Variants in PRELID2 observed in about 807,000 individuals in gnomAD.
PRELID2 encodes PRELI domain-containing protein 2.
A neutral mutation model predicts 28.4 loss-of-function variants in PRELID2; 25 were observed. That is an observed-to-expected ratio of 0.88 (90% CI 0.64 to 1.23). PRELID2 has a LOEUF of 1.23. Among genes scored for constraint, PRELID2 ranks in the 50% most tolerant of loss-of-function variants. The probability of loss-of-function intolerance (pLI) is 0.00; values close to 1 mark genes in which losing one functional copy is unlikely to be tolerated. For synonymous variants in PRELID2, 76 were observed against 71.6 expected (o/e 1.06, Z -0.31); for missense variants, 201 against 214.4 (o/e 0.94, Z 0.39).
chr5:145,562,684 T>C (rs936014975), intron 1 of PRELID2, among the ~76,000 whole-genome samples: 1 of 152,018 alleles, frequency 6.6e-6, no homozygotes, highest in Non-Finnish European at 1.5e-5. Flanking sequence ...GCATTTGCAC[T>C]GAGGCAAAAT....
At chr5:145,591,533 G>C (rs1259105683) in intron 1 of PRELID2, among the ~76,000 whole-genome samples, 5 of 152,158 alleles carry the variant, frequency 3.3e-5, no homozygotes, top group Non-Finnish European at 7.4e-5. Flanking sequence ...TTGAATGTTA[G>C]GATGAAGTTT....
chr5:145,742,326 A>AT (rs201505408), intron 1 of PRELID2, among the ~76,000 whole-genome samples: 8,543 of 136,578 alleles, frequency 0.063, 408 homozygotes, highest in Non-Finnish European at 0.088. Context: ...AAAAATAGAT[A>AT]TATTTTTTTT....
chr5:145,649,551 C>T (rs1056762943), intron 1 of PRELID2, among the ~76,000 whole-genome samples: 4 of 152,166 alleles, frequency 2.6e-5, no homozygotes, highest in Admixed American at 1.3e-4. Context: ...GACATAACCT[C>T]GTCATAAGTC....
At chr5:145,466,778 A>C in the PRELID2 span, among the ~76,000 whole-genome samples, 1 of 152,180 alleles carries the variant, frequency 6.6e-6, no homozygotes, top group East Asian at 1.9e-4. Context: ...GAAGTCCAAT[A>C]CTTATTTCAG....
intron 1 of PRELID2, among the ~76,000 whole-genome samples, chr5:145,536,319 A>G (rs985789874): frequency 2.0e-5 from 3 of 151,986 alleles, no homozygotes; most frequent in African/African-American, 7.2e-5. Context: ...AGCCTTCTCC[A>G]TTTTAAATTA....
intron 1 of PRELID2, among the ~76,000 whole-genome samples, chr5:145,573,337 C>CT (rs549025004): frequency 0.04 from 5,911 of 146,302 alleles, 303 homozygotes; most frequent in African/African-American, 0.12. Flanking sequence ...TTTTTCTTTT[C>CT]TTTTTTTTTT....
At chr5:145,545,312 G>A (rs116326042) in intron 1 of PRELID2, among the ~76,000 whole-genome samples, 641 of 152,022 alleles carry the variant, frequency 4.2e-3, no homozygotes, top group Non-Finnish European at 6.8e-3. Flanking sequence ...GTCTATTTTC[G>A]AACTCAACTA....
chr5:145,484,284 T>C (rs888874174), intron 1 of PRELID2, among the ~76,000 whole-genome samples: 2 of 152,162 alleles, frequency 1.3e-5, no homozygotes, highest in Non-Finnish European at 2.9e-5. Flanking sequence ...ACCGTAAGCA[T>C]CCCATGGGGT....
chr5:145,633,453 T>C (rs1753957954), intron 1 of PRELID2, among the ~76,000 whole-genome samples: 1 of 152,176 alleles, frequency 6.6e-6, no homozygotes, highest in Non-Finnish European at 1.5e-5. Flanking sequence ...CACATTTTCC[T>C]GGCCCTCTCT....
chr5:145,445,202 A>G, the PRELID2 span, among the ~76,000 whole-genome samples: 2 of 152,098 alleles, frequency 1.3e-5, no homozygotes, highest in African/African-American at 4.8e-5. Context: ...AATGGAACAA[A>G]ATAGAGAACC....
chr5:145,296,239 G>A, the PRELID2 span, among the ~76,000 whole-genome samples: 130 of 151,420 alleles, frequency 8.6e-4, 1 homozygote, highest in Non-Finnish European at 9.6e-4. Flanking sequence ...TGTGCACAAT[G>A]TGCAGGTTAG....
chr5:145,819,134 C>T (rs1345670703), intron 3 of PRELID2, among the ~76,000 whole-genome samples: 1 of 152,204 alleles, frequency 6.6e-6, no homozygotes, highest in Non-Finnish European at 1.5e-5. Context: ...CCATGTGGAA[C>T]TGTGAGTCCA....
the PRELID2 span, among the ~76,000 whole-genome samples, chr5:145,388,069 A>G: frequency 6.6e-6 from 1 of 152,200 alleles, no homozygotes; most frequent in Non-Finnish European, 1.5e-5. Flanking sequence ...AAATCAGAAA[A>G]GAACATTCAA....
chr5:145,379,395 G>A, the PRELID2 span, among the ~76,000 whole-genome samples: 10 of 152,158 alleles, frequency 6.6e-5, no homozygotes, highest in Non-Finnish European at 1.3e-4. Context: ...TGGAATAAGG[G>A]GTGAGGGGCT....
At chr5:145,729,695 C>T (rs1191124936) in intron 1 of PRELID2, among the ~76,000 whole-genome samples, 1 of 152,214 alleles carries the variant, frequency 6.6e-6, no homozygotes, top group African/African-American at 2.4e-5. Context: ...TTTACATGCT[C>T]TAGCATTCCT....
the PRELID2 span, among the ~76,000 whole-genome samples, chr5:145,380,433 C>T: frequency 5.3e-5 from 8 of 152,134 alleles, no homozygotes; most frequent in Admixed American, 1.3e-4. Context: ...CTGCTCTAAT[C>T]GGCCACCTTG....
chr5:145,267,949 CT>C, the PRELID2 span, among the ~76,000 whole-genome samples: 203 of 152,138 alleles, frequency 1.3e-3, 4 homozygotes, highest in East Asian at 0.031. Flanking sequence ...ATTTGTATGT[CT>C]TTTTTTGAGA....
At chr5:145,517,187 A>G (rs149685642) in intron 1 of PRELID2, among the ~76,000 whole-genome samples, 7,138 of 152,258 alleles carry the variant, frequency 0.047, 412 homozygotes, top group African/African-American at 0.14. Context: ...AATTATCATC[A>G]GAGTGAACAG....
the PRELID2 span, among the ~76,000 whole-genome samples, chr5:145,418,606 T>A: frequency 2.0e-5 from 3 of 152,184 alleles, no homozygotes; most frequent in Admixed American, 6.5e-5. Flanking sequence ...AACCATCTTA[T>A]CTTCCACAAA....
Sources: allele counts gnomAD v4.1 joint callset (sites outside exome capture counted in the v4.1 genomes callset), GRCh38; gene constraint gnomAD v4.1.1; transcripts MANE v1.5; gene names NCBI Gene and HGNC (gene_info 2026-07-23, HGNC 2026-07-21).